The following PSMA1 variants were observed in gnomAD, a reference collection of about 807,000 sequenced individuals.
The protein encoded by PSMA1 is proteasome 20S subunit alpha 1.
Under a neutral mutation model 38.4 loss-of-function variants are expected in PSMA1, and 3 were observed. That is an observed-to-expected ratio of 0.08 (90% CI 0.04 to 0.20). The LOEUF is 0.20. Among genes scored for constraint, PSMA1 ranks in the 10% least tolerant of loss-of-function variants. The pLI is 1.00. For missense variants in PSMA1, 227 were observed against 325.3 expected (o/e 0.70, Z 2.32); for synonymous variants, 101 against 107.1 (o/e 0.94, Z 0.35).
intron 2 of PSMA1, among the ~76,000 whole-genome samples, chr11:14,575,054 T>C (rs1449081190): frequency 1.3e-5 from 2 of 152,228 alleles, no homozygotes; most frequent in East Asian, 3.9e-4. Flanking sequence ...GATAGTGATA[T>C]GGACAATGAA....
intron 8 of PSMA1, among the ~76,000 whole-genome samples, chr11:14,509,824 C>T (rs890361170): frequency 4.7e-5 from 7 of 150,450 alleles, no homozygotes; most frequent in East Asian, 4.0e-4. Context: ...CCCAGGTTCA[C>T]GCCATTCTCC....
At chr11:14,564,723 G>A (rs1232170612) in intron 2 of PSMA1, among the ~76,000 whole-genome samples, 1 of 151,254 alleles carries the variant, frequency 6.6e-6, no homozygotes, top group African/African-American at 2.4e-5. Context: ...TATTTCAGCC[G>A]TTCTTACAAG....
intron 2 of PSMA1, among the ~76,000 whole-genome samples, chr11:14,590,681 T>A (rs56249280): frequency 6.6e-6 from 1 of 152,202 alleles, no homozygotes; most frequent in Admixed American, 6.5e-5. Flanking sequence ...TCTGATCCAC[T>A]CCAAGAGAGA....
chr11:14,601,137 A>G (rs1323321931), intron 2 of PSMA1, among the ~76,000 whole-genome samples: 1 of 152,186 alleles, frequency 6.6e-6, no homozygotes, highest in Admixed American at 6.5e-5. Flanking sequence ...TTTCAGGAGT[A>G]AGGAGCCAAA....
At chr11:14,550,111 G>GC (rs1851869919) in intron 2 of PSMA1, among the ~76,000 whole-genome samples, 1 of 152,142 alleles carries the variant, frequency 6.6e-6, no homozygotes, top group Non-Finnish European at 1.5e-5. Flanking sequence ...GGTTATGACT[G>GC]CATCTCTTCA....
At chr11:14,615,457 C>G (rs1210425299) in intron 1 of PSMA1, among the ~76,000 whole-genome samples, 3 of 152,210 alleles carry the variant, frequency 2.0e-5, no homozygotes, top group Non-Finnish European at 4.4e-5. Context: ...TAATATTTTC[C>G]TACATCCCTC....
chr11:14,633,517 T>C (rs1853063853), intron 1 of PSMA1, among the ~76,000 whole-genome samples: 1 of 152,092 alleles, frequency 6.6e-6, no homozygotes, highest in Non-Finnish European at 1.5e-5. Context: ...AGCTGCGTGC[T>C]GGGAGAACCA....
At chr11:14,566,417 GA>G (rs1852072212) in intron 2 of PSMA1, among the ~76,000 whole-genome samples, 1 of 152,130 alleles carries the variant, frequency 6.6e-6, no homozygotes, top group African/African-American at 2.4e-5. Flanking sequence ...TGAGGTATTA[GA>G]AAAAGAGAAG....
chr11:14,516,457 T>C (rs1016101180), intron 4 of PSMA1, among the ~76,000 whole-genome samples: 2 of 152,224 alleles, frequency 1.3e-5, no homozygotes, highest in Non-Finnish European at 2.9e-5. Context: ...AGAGCTAGAA[T>C]TATAGGTAGG....
intron 1 of PSMA1, among the ~76,000 whole-genome samples, chr11:14,628,214 T>C (rs1375316498): frequency 2.0e-5 from 3 of 151,768 alleles, no homozygotes; most frequent in Non-Finnish European, 4.4e-5. Context: ...ACGTGCACAT[T>C]GTGCAGGTTA....
intron 2 of PSMA1, among the ~76,000 whole-genome samples, chr11:14,568,534 C>T (rs1852100339): frequency 6.6e-6 from 1 of 152,226 alleles, no homozygotes; most frequent in Non-Finnish European, 1.5e-5. Flanking sequence ...TGGAATTTCA[C>T]AGTCCTTAAC....
At position 14,570,395 on chromosome 11, in the gene PSMA1, C is replaced by T. The variant is rs903221449; in HGVS notation, c.21+40571G>A. On this transcript the variant is annotated intron_variant, in intron 2 of 10. Coordinates refer to the PSMA1 transcript ENST00000418988. ...CGAGTTGAGAGAAGAAAGCTTCAGA[C>T]GATCAGTAATAACAACCTTCTCCAA... Among the ~76,000 whole-genome samples, 46 of 152,136 alleles carry T rather than the reference C, an allele frequency of 3.0e-4. 1 individual carries two copies. Among genetic ancestry groups the T allele is most frequent in the Admixed American group, 1.6e-3 (24 of 15,270 alleles).
At chr11:14,524,488 A>G (rs928548944), upstream of PSMA1, among the ~76,000 whole-genome samples, 2 of 152,148 alleles carry the variant, frequency 1.3e-5, no homozygotes, top group Middle Eastern at 6.8e-3. Flanking sequence ...TTGAGAATGT[A>G]CTTTGTGAGA....
chr11:14,541,843 T>C (rs1414893993), intron 2 of PSMA1, among the ~76,000 whole-genome samples: 1 of 152,240 alleles, frequency 6.6e-6, no homozygotes, highest in Non-Finnish European at 1.5e-5. Context: ...TGGAAGAATA[T>C]GCTAGCCTTT....
chr11:14,601,932 G>A (rs921051096), intron 2 of PSMA1, among the ~76,000 whole-genome samples: 1 of 152,126 alleles, frequency 6.6e-6, no homozygotes, highest in Admixed American at 6.5e-5. Flanking sequence ...GGATATCAAT[G>A]TTTACCCGCA....
intron 2 of PSMA1, 47 bp from the exon 3 acceptor site, chr11:14,518,028 TA>T: frequency 1.5e-6 from 2 of 1,369,962 alleles, no homozygotes; most frequent in African/African-American, 3.0e-5. Context: ...AGATCTTTTA[TA>T]AATTAAAAAT....
chr11:14,521,820 C>T (rs1409838103), upstream of PSMA1, among the ~76,000 whole-genome samples: 1 of 150,944 alleles, frequency 6.6e-6, no homozygotes, highest in Non-Finnish European at 1.5e-5. Flanking sequence ...AATGTTTTAC[C>T]AACATATACT....
chr11:14,529,925 T>G (rs1213081879), intron 2 of PSMA1, among the ~76,000 whole-genome samples: 2 of 152,158 alleles, frequency 1.3e-5, no homozygotes, highest in Non-Finnish European at 2.9e-5. Flanking sequence ...TATCCCAAAC[T>G]CATTTTTGCA....
intron 2 of PSMA1, among the ~76,000 whole-genome samples, chr11:14,594,184 A>G (rs1852456288): frequency 6.6e-6 from 1 of 152,244 alleles, no homozygotes; most frequent in Non-Finnish European, 1.5e-5. Flanking sequence ...ATGTGAAGTA[A>G]TAAATGTTTC....
Sources: allele counts gnomAD v4.1 joint callset (sites outside exome capture counted in the v4.1 genomes callset), GRCh38; gene constraint gnomAD v4.1.1; transcripts MANE v1.5; gene names NCBI Gene and HGNC (gene_info 2026-07-23, HGNC 2026-07-21).